Variants in EMCN observed in about 807,000 individuals in gnomAD.
The protein encoded by EMCN is MUC-14.
In EMCN, 37 loss-of-function variants were observed where a neutral mutation model predicts 38.4. The ratio of observed to expected loss-of-function variants is 0.96; its 90% CI spans 0.74 to 1.27. EMCN has a LOEUF of 1.27. Among genes scored for constraint, EMCN ranks in the 50% most tolerant of loss-of-function variants. The pLI, the probability that EMCN is intolerant of heterozygous loss-of-function variation, is 0.00. For synonymous variants in EMCN, 95 were observed against 100.8 expected, an observed-to-expected ratio of 0.94 and a Z score of 0.35; for missense variants, 318 against 302.8, an observed-to-expected ratio of 1.05 and a Z score of -0.37.
intron 3 of EMCN, among the ~76,000 whole-genome samples, chr4:100,473,526 T>C (rs927326564): frequency 6.6e-6 from 1 of 151,894 alleles, no homozygotes; most frequent in Non-Finnish European, 1.5e-5. Flanking sequence ...CAACTCACGA[T>C]ATAAACAAAG....
intron 10 of EMCN, among the ~76,000 whole-genome samples, chr4:100,412,200 C>A: frequency 6.6e-6 from 1 of 152,140 alleles, no homozygotes; most frequent in East Asian, 1.9e-4. Context: ...TGAATGAAGT[C>A]GGAGAAATAT....
At chr4:100,422,400 C>G (rs1726913482) in intron 7 of EMCN, among the ~76,000 whole-genome samples, 1 of 151,900 alleles carries the variant, frequency 6.6e-6, no homozygotes, top group Non-Finnish European at 1.5e-5. Flanking sequence ...TTTATAATAA[C>G]AGTTTTGAAT....
chr4:100,419,251 C>T (rs1440521149), intron 8 of EMCN, among the ~76,000 whole-genome samples: 1 of 152,036 alleles, frequency 6.6e-6, no homozygotes, highest in Admixed American at 6.6e-5. Flanking sequence ...ATGTTGTCTT[C>T]CACAGAGCAG....
chr4:100,497,512 G>C (rs1304120854), intron 1 of EMCN, among the ~76,000 whole-genome samples: 2 of 152,026 alleles, frequency 1.3e-5, no homozygotes, highest in African/African-American at 4.8e-5. Context: ...GAGTAGTTGG[G>C]ACTACAGGCA....
At chr4:100,414,215 G>T (rs988894358) in intron 10 of EMCN, among the ~76,000 whole-genome samples, 1 of 152,120 alleles carries the variant, frequency 6.6e-6, no homozygotes, top group African/African-American at 2.4e-5. Flanking sequence ...ACTGCAGAGG[G>T]TTTGGAGTAT....
chr4:100,469,387 T>C (rs528412823), intron 3 of EMCN, among the ~76,000 whole-genome samples: 35 of 152,202 alleles, frequency 2.3e-4, no homozygotes, highest in African/African-American at 7.9e-4. Flanking sequence ...TTTTGGATAT[T>C]ACATCAAAAG....
At chr4:100,460,707 T>C (rs1319514640) in intron 4 of EMCN, among the ~76,000 whole-genome samples, 2 of 152,154 alleles carry the variant, frequency 1.3e-5, no homozygotes, top group African/African-American at 4.8e-5. Flanking sequence ...TCAAGTGAGA[T>C]TTGAGTGGGG....
intron 10 of EMCN, among the ~76,000 whole-genome samples, chr4:100,412,504 A>T (rs1385976561): frequency 6.6e-6 from 1 of 152,150 alleles, no homozygotes; most frequent in East Asian, 1.9e-4. Context: ...ATGACTTGAC[A>T]TATTAAAAGT....
At chr4:100,411,132 AGG>A (rs1419964645) in intron 10 of EMCN, among the ~76,000 whole-genome samples, 1 of 152,166 alleles carries the variant, frequency 6.6e-6, no homozygotes, top group Admixed American at 6.5e-5. Context: ...CGGGACTCTG[AGG>A]ATGTCACCTG....
At chr4:100,447,641 G>T in intron 4 of EMCN, 70 bp from the exon 5 acceptor site, 1 of 951,658 alleles carries the variant, frequency 1.1e-6, no homozygotes, top group Non-Finnish European at 1.6e-6. Context: ...TCTCACAATT[G>T]TTTCAGGTGG....
chr4:100,485,899 A>G (rs1006117173), intron 1 of EMCN, among the ~76,000 whole-genome samples: 1 of 152,152 alleles, frequency 6.6e-6, no homozygotes, highest in African/African-American at 2.4e-5. Context: ...CAAAAATTGT[A>G]AGATATCATA....
intron 5 of EMCN, among the ~76,000 whole-genome samples, chr4:100,436,401 A>T (rs956133822): frequency 6.6e-6 from 1 of 152,218 alleles, no homozygotes; most frequent in Non-Finnish European, 1.5e-5. Context: ...GAATGCTTTT[A>T]CATTCTTGGT....
At chr4:100,418,268 T>A (rs1159037150) in intron 8 of EMCN, among the ~76,000 whole-genome samples, 1 of 152,112 alleles carries the variant, frequency 6.6e-6, no homozygotes, top group African/African-American at 2.4e-5. Flanking sequence ...CATTTATAAT[T>A]TTTGGGGGTA....
intron 1 of EMCN, among the ~76,000 whole-genome samples, chr4:100,501,426 A>T (rs1267078291): frequency 6.6e-6 from 1 of 152,148 alleles, no homozygotes; most frequent in Non-Finnish European, 1.5e-5. Flanking sequence ...TGTGACTACC[A>T]CTTGATTTGT....
chr4:100,516,839 T>A (rs1729771883), intron 1 of EMCN, among the ~76,000 whole-genome samples: 1 of 152,072 alleles, frequency 6.6e-6, no homozygotes, highest in African/African-American at 2.4e-5. Context: ...AAAATAAAAT[T>A]AGAAATGAAT....
At chr4:100,441,459 C>T (rs1727515152) in intron 5 of EMCN, among the ~76,000 whole-genome samples, 1 of 152,124 alleles carries the variant, frequency 6.6e-6, no homozygotes. Context: ...TTCATTCAAC[C>T]ATTCTATGTC....
intron 1 of EMCN, among the ~76,000 whole-genome samples, chr4:100,516,378 C>T (rs567562650): frequency 1.2e-4 from 18 of 151,808 alleles, no homozygotes; most frequent in African/African-American, 4.4e-4. Flanking sequence ...CTCGTCGATG[C>T]TTGCAGACCT....
intron 1 of EMCN, among the ~76,000 whole-genome samples, chr4:100,502,938 A>G (rs1407056055): frequency 6.6e-6 from 1 of 152,174 alleles, no homozygotes; most frequent in Non-Finnish European, 1.5e-5. Flanking sequence ...TTGATATAAT[A>G]AAAGTATCAT....
chr4:100,409,913 C>T (rs1438296703), intron 11 of EMCN, among the ~76,000 whole-genome samples: 4 of 152,160 alleles, frequency 2.6e-5, no homozygotes, highest in African/African-American at 4.8e-5. Context: ...TTGCAAGCAC[C>T]GTCACTTGGA....
Sources: allele counts gnomAD v4.1 joint callset (sites outside exome capture counted in the v4.1 genomes callset), GRCh38; gene constraint gnomAD v4.1.1; transcripts MANE v1.5; gene names NCBI Gene and HGNC (gene_info 2026-07-23, HGNC 2026-07-21).